NTRK2: variants seen among roughly 807,000 people sequenced by gnomAD.
The protein encoded by NTRK2 is BDNF/NT-3 growth factors receptor.
Under a neutral mutation model 94.5 loss-of-function variants are expected in NTRK2, and 13 were observed. That is an observed-to-expected ratio of 0.14 (90% CI 0.09 to 0.22). The LOEUF (loss-of-function observed/expected upper bound fraction) is 0.22. NTRK2 is among the 10% of genes least tolerant of loss of function. The pLI is 1.00. For synonymous variants in NTRK2, 372 were observed against 407.4 expected (o/e 0.91, Z 1.05); for missense variants, 639 against 1,071.2 (o/e 0.60, Z 5.63).
chr9:84,994,635 A>G (rs1391884990), intron 17 of NTRK2, among the ~76,000 whole-genome samples: 1 of 152,166 alleles, frequency 6.6e-6, no homozygotes, highest in Non-Finnish European at 1.5e-5. Context: ...TCCTGTCACC[A>G]TGACCCAGTT....
chr9:84,717,899 G>T (rs1312095157), intron 6 of NTRK2, among the ~76,000 whole-genome samples: 1 of 152,048 alleles, frequency 6.6e-6, no homozygotes, highest in Non-Finnish European at 1.5e-5. Context: ...TAAGATCAAT[G>T]GAATTCAAAT....
At chr9:84,820,169 C>CTTTTTTTTT (rs902886137) in intron 12 of NTRK2, among the ~76,000 whole-genome samples, 4 of 132,516 alleles carry the variant, frequency 3.0e-5, no homozygotes, top group Non-Finnish European at 3.2e-5. Flanking sequence ...TTCTTTCTTT[C>CTTTTTTTTT]TTTTTTTTTT....
intron 6 of NTRK2, among the ~76,000 whole-genome samples, chr9:84,719,581 A>T (rs2061926632): frequency 6.6e-6 from 1 of 152,100 alleles, no homozygotes; most frequent in African/African-American, 2.4e-5. Context: ...ATGGGTTTGT[A>T]CTTGAAATGC....
At chr9:84,732,798 A>G (rs2062981493) in intron 9 of NTRK2, among the ~76,000 whole-genome samples, 1 of 152,140 alleles carries the variant, frequency 6.6e-6, no homozygotes. Flanking sequence ...GGAATGTTCA[A>G]TGCTGATGTG....
At chr9:84,699,829 T>C (rs1360584396) in intron 2 of NTRK2, among the ~76,000 whole-genome samples, 1 of 152,218 alleles carries the variant, frequency 6.6e-6, no homozygotes, top group African/African-American at 2.4e-5. Flanking sequence ...CTTTCTCTCC[T>C]CTATGCCTTC....
intron 11 of NTRK2, 90 bp downstream of exon 11, chr9:84,745,163 T>C: frequency 1.1e-6 from 1 of 881,322 alleles, no homozygotes; most frequent in South Asian, 1.3e-5. Flanking sequence ...TAAGACACTT[T>C]TATTGTTCAG....
At chr9:84,811,131 G>C in intron 12 of NTRK2, 1 of 1,066,428 alleles carries the variant, frequency 9.4e-7, no homozygotes, top group Non-Finnish European at 1.1e-6. Flanking sequence ...GTGACTAAAA[G>C]AGTTAAGGGT....
At chr9:84,928,762 G>A (rs2077912972) in intron 14 of NTRK2, among the ~76,000 whole-genome samples, 1 of 152,120 alleles carries the variant, frequency 6.6e-6, no homozygotes. Flanking sequence ...ACTGCTAAAG[G>A]CAGGCTCTGC....
chr9:84,947,756 T>G (rs1041316871), intron 15 of NTRK2, among the ~76,000 whole-genome samples: 27 of 152,220 alleles, frequency 1.8e-4, no homozygotes, highest in African/African-American at 5.3e-4. Context: ...TCTGGCTCAG[T>G]GATGGGCACA....
At chr9:84,847,273 G>A (rs903249539) in intron 12 of NTRK2, among the ~76,000 whole-genome samples, 2 of 152,158 alleles carry the variant, frequency 1.3e-5, no homozygotes, top group African/African-American at 4.8e-5. Context: ...CATTCACTCT[G>A]GCCTCTGGGG....
chr9:84,949,380 G>A (rs1328819397), intron 16 of NTRK2, among the ~76,000 whole-genome samples: 1 of 152,160 alleles, frequency 6.6e-6, no homozygotes, highest in East Asian at 1.9e-4. Context: ...ACTATAAAGG[G>A]AGTCACTGGG....
chr9:84,907,417 T>C lies in NTRK2; in HGVS notation c.1634-26745T>C, dbSNP rs565946938. ...ATCTCACTTGGCATTTTGGTAAAAA[T>C]GGAGAATCTTTGGTTCCCTATTATT... On this transcript the variant is annotated intron_variant, in intron 14 of 18. Coordinates refer to ENST00000277120, the MANE Select transcript of NTRK2 (RefSeq NM_006180.6). 2.1e-3 allele frequency among the ~76,000 whole-genome samples: 324 copies of C among 152,348 alleles called. 1 individual carries two copies. The highest frequency in any genetic ancestry group is 3.0e-3 in the Non-Finnish European group (202 of 68,022).
At chr9:85,021,206 G>A (rs2117993190) in intron 18 of NTRK2, 46 bp from the exon 19 acceptor site, 1 of 1,546,338 alleles carries the variant, frequency 6.5e-7, no homozygotes, top group South Asian at 1.1e-5. Flanking sequence ...TCTTCGATGT[G>A]CATTGCTTTT....
chr9:84,828,642 TA>T (rs1240566664), intron 12 of NTRK2, among the ~76,000 whole-genome samples: 1 of 152,194 alleles, frequency 6.6e-6, no homozygotes, highest in East Asian at 1.9e-4. Flanking sequence ...TTGTTTCTTT[TA>T]AAAGATTAAA....
At chr9:84,807,540 A>G (rs1182685738) in intron 12 of NTRK2, among the ~76,000 whole-genome samples, 3 of 152,178 alleles carry the variant, frequency 2.0e-5, no homozygotes, top group Non-Finnish European at 4.4e-5. Flanking sequence ...CACGGTAACT[A>G]CCATGCACCA....
chr9:84,864,897 C>T (rs2075517010), intron 13 of NTRK2, among the ~76,000 whole-genome samples: 1 of 151,906 alleles, frequency 6.6e-6, no homozygotes, highest in African/African-American at 2.4e-5. Flanking sequence ...CACGCCACCA[C>T]ACCTGGCTAA....
chr9:84,698,953 A>G (rs901035772), intron 2 of NTRK2, among the ~76,000 whole-genome samples: 4 of 152,040 alleles, frequency 2.6e-5, no homozygotes, highest in African/African-American at 9.7e-5. Context: ...GTTTGTAGCT[A>G]GCATCTATAT....
At chr9:84,772,028 C>T (rs889970918) in intron 12 of NTRK2, among the ~76,000 whole-genome samples, 1 of 152,136 alleles carries the variant, frequency 6.6e-6, no homozygotes, top group Non-Finnish European at 1.5e-5. Flanking sequence ...CTATGTTCTT[C>T]TTCTGTGACT....
chr9:84,908,410 C>CAAAG (rs58612351), intron 14 of NTRK2, among the ~76,000 whole-genome samples: 10,067 of 151,830 alleles, frequency 0.066, 984 homozygotes, highest in African/African-American at 0.21. Flanking sequence ...TAATCAGACA[C>CAAAG]AAAGAAAGAA....
Sources: gnomAD v4.1 joint callset for allele counts (sites outside exome capture counted in the v4.1 genomes callset) on GRCh38, gnomAD v4.1.1 for gene constraint, MANE v1.5 for transcripts, NCBI Gene and HGNC (gene_info 2026-07-23, HGNC 2026-07-21) for gene names.